Variants in ARID1A observed in about 807,000 individuals in gnomAD.
ARID1A encodes AT-rich interaction domain 1A.
A neutral mutation model predicts 212.6 loss-of-function variants in ARID1A; 20 were observed. The ratio of observed to expected loss-of-function variants is 0.09; its 90% CI spans 0.07 to 0.14. The LOEUF is 0.14. Ranked by LOEUF, ARID1A falls within the 10% of genes least tolerant of loss-of-function variation. The pLI is 1.00. For synonymous variants in ARID1A, 1,376 were observed against 1,222.1 expected, an observed-to-expected ratio of 1.13 and a Z score of -2.63; for missense variants, 2,587 against 3,059.0, an observed-to-expected ratio of 0.85 and a Z score of 3.64.
At chr1:26,741,667 T>G in intron 4 of ARID1A, among the ~76,000 whole-genome samples, 1 of 152,220 alleles carries the variant, frequency 6.6e-6, no homozygotes. Flanking sequence ...TGTTGAAGAT[T>G]GGATCATACT....
intron 6 of ARID1A, 99 bp from the exon 7 acceptor site, chr1:26,762,053 C>A: frequency 7.4e-7 from 1 of 1,351,006 alleles, no homozygotes; most frequent in East Asian, 2.4e-5. Context: ...CAAGTGGCTG[C>A]TAAAGAAAAT....
chr1:26,745,684 A>C (rs1217946976), intron 4 of ARID1A, among the ~76,000 whole-genome samples: 1 of 152,174 alleles, frequency 6.6e-6, no homozygotes, highest in East Asian at 1.9e-4. Flanking sequence ...GGATTCTCTG[A>C]CTGCTAGTCC....
At chr1:26,757,464 C>T (rs1341353049) in intron 4 of ARID1A, among the ~76,000 whole-genome samples, 5 of 144,698 alleles carry the variant, frequency 3.5e-5, no homozygotes, top group Admixed American at 1.4e-4. Context: ...AGTGAGACTC[C>T]GTCTCAAAAA....
In ARID1A at chr1:26,731,447, C is replaced by T. The variant is rs2124789518; in HGVS notation, c.1646C>T (p.Pro549Leu). 1 of 1,613,956 alleles carries T rather than the reference C, an allele frequency of 6.2e-7. No individual in the cohort carries two copies. The highest frequency in any genetic ancestry group is 2.2e-5 in the East Asian group (1 of 44,870). Reference sequence around the variant, plus strand: ...ACACAGCAGCACCCCCAGAGCCAGCCCCCCTACTCACAGCCACAGGCTCAG... The same window carrying T: ...ACACAGCAGCACCCCCAGAGCCAGCTCCCCTACTCACAGCCACAGGCTCAG... ...STTQQHPQSQ[P>L]PYSQPQAQSP... The change falls in exon 3 of 20, where the codon CCC (proline) becomes CTC (leucine). Residue 549 changes from proline (P) to leucine (L), a missense_variant. Physicochemically the swap from Pro to Leu is moderately conservative, Grantham distance 98. Transcript: ENST00000324856.
At chr1:26,698,523 A>G (rs962314825) in intron 1 of ARID1A, among the ~76,000 whole-genome samples, 2 of 152,200 alleles carry the variant, frequency 1.3e-5, no homozygotes, top group East Asian at 3.8e-4. Flanking sequence ...CCCTTGTTAC[A>G]TTGTGCCCAA....
At chr1:26,744,843 C>T (rs149863448) in intron 4 of ARID1A, among the ~76,000 whole-genome samples, 2 of 152,152 alleles carry the variant, frequency 1.3e-5, no homozygotes, top group Admixed American at 1.3e-4. Context: ...CCACCCACCC[C>T]CTCAGAGCTT....
At chr1:26,729,984 T>C in intron 2 of ARID1A, 121 bp downstream of exon 2, 4 of 1,233,212 alleles carry the variant, frequency 3.2e-6, no homozygotes, top group Non-Finnish European at 4.6e-6. Flanking sequence ...ACCTGTTGGC[T>C]CAGTTAATTA....
intron 1 of ARID1A, among the ~76,000 whole-genome samples, chr1:26,699,757 A>G (rs2080314389): frequency 6.6e-6 from 1 of 152,204 alleles, no homozygotes; most frequent in South Asian, 2.1e-4. Flanking sequence ...GAAAACTATT[A>G]GAATAAGTCA....
At chr1:26,729,319 G>A in intron 1 of ARID1A, 1 of 333,996 alleles carries the variant, frequency 3.0e-6, no homozygotes, top group South Asian at 3.2e-5. Flanking sequence ...GGTGATGGCA[G>A]TGCATAGCAG....
intron 1 of ARID1A, among the ~76,000 whole-genome samples, chr1:26,718,052 G>A (rs575390879): frequency 1.0e-3 from 154 of 152,222 alleles, no homozygotes; most frequent in Middle Eastern, 6.8e-3. Context: ...TTGGCTCAAC[G>A]CAACCTCCGC....
intron 1 of ARID1A, among the ~76,000 whole-genome samples, chr1:26,713,264 G>A (rs2080470222): frequency 6.6e-6 from 1 of 151,946 alleles, no homozygotes; most frequent in Non-Finnish European, 1.5e-5. Context: ...AGAATGCAGA[G>A]CACATGGAAA....
chr1:26,774,001 T>C lies in ARID1A; in HGVS notation c.4101+103T>C. 1 of 1,441,356 alleles carries C rather than the reference T, an allele frequency of 6.9e-7. No individual in the cohort carries two copies. The highest frequency in any genetic ancestry group is 9.6e-7 in the Non-Finnish European group (1 of 1,044,766). The allele number at this position is 1,441,356 out of a possible 1,614,324, so 89.3% of individuals were successfully genotyped here. A position where few individuals can be genotyped will look rare whatever the true frequency, so the allele number is the denominator to read the frequency against. The stretch of plus-strand genomic sequence containing the variant: ...AAGTCTAAGAAGCTCACTTTAGATA[T>C]TTTGGCATTCTTCTCTCACCTGACT... On this transcript the variant is annotated intron_variant, in intron 17 of 19. Coordinates refer to ENST00000324856, the MANE Select transcript of ARID1A (RefSeq NM_006015.6). The surrounding 1 kb of genome is among the most constrained non-coding windows in gnomAD (Gnocchi z 5.6).
At chr1:26,762,543 T>C (rs1570604055) in intron 7 of ARID1A, among the ~76,000 whole-genome samples, 1 of 152,344 alleles carries the variant, frequency 6.6e-6, no homozygotes, top group East Asian at 1.9e-4. Context: ...TCTGTTTCAT[T>C]TATAAAAATG....
intron 11 of ARID1A, among the ~76,000 whole-genome samples, chr1:26,768,910 C>T (rs2081060577): frequency 6.6e-6 from 1 of 152,146 alleles, no homozygotes; most frequent in South Asian, 2.1e-4. Flanking sequence ...TCCAAACCTT[C>T]TAAATCAGAA....
chr1:26,734,396 A>C (rs561128642), intron 4 of ARID1A, among the ~76,000 whole-genome samples: 1 of 143,756 alleles, frequency 7.0e-6, no homozygotes, highest in South Asian at 2.2e-4. Context: ...GAGATGCTAC[A>C]TGCCTTGTAA....
At chr1:26,744,508 T>C (rs2080818112) in intron 4 of ARID1A, among the ~76,000 whole-genome samples, 2 of 152,238 alleles carry the variant, frequency 1.3e-5, no homozygotes, top group Admixed American at 1.3e-4. Flanking sequence ...GTTTGAATTT[T>C]ACCTTGTTTT....
chr1:26,724,926 C>G (rs1341284254), intron 1 of ARID1A, among the ~76,000 whole-genome samples: 1 of 152,174 alleles, frequency 6.6e-6, no homozygotes, highest in African/African-American at 2.4e-5. Flanking sequence ...GGCCAGTGAT[C>G]TGGAAGGAGG....
chr1:26,720,733 A>G (rs151056918), intron 1 of ARID1A, among the ~76,000 whole-genome samples: 1 of 152,024 alleles, frequency 6.6e-6, no homozygotes, highest in East Asian at 1.9e-4. Flanking sequence ...CTATGATGGC[A>G]TGTGCTTATA....
intron 14 of ARID1A, 115 bp downstream of exon 14, chr1:26,773,102 A>T (rs1345459168): frequency 7.1e-7 from 1 of 1,410,434 alleles, no homozygotes; most frequent in African/African-American, 1.4e-5. Flanking sequence ...GAGATAATGC[A>T]TTTCCTGCCC....
Sources: allele counts gnomAD v4.1 joint callset (sites outside exome capture counted in the v4.1 genomes callset), GRCh38; gene constraint gnomAD v4.1.1; non-coding constraint Gnocchi (gnomAD v3.1); transcripts MANE v1.5; gene names NCBI Gene and HGNC (gene_info 2026-07-23, HGNC 2026-07-21).